Variants in RGS10 observed in about 807,000 individuals in gnomAD.
RGS10 encodes the protein regulator of G protein signaling 10.
RGS10 carries 11 observed loss-of-function variants against 23.5 expected under a neutral mutation model. The observed-to-expected ratio is 0.47, with a 90% CI of 0.29 to 0.77. The LOEUF (loss-of-function observed/expected upper bound fraction) is 0.77. Among genes scored for constraint, RGS10 ranks in the 30% least tolerant of loss-of-function variants. The probability of loss-of-function intolerance (pLI) is 0.08; values close to 1 mark genes in which losing one functional copy is unlikely to be tolerated. For missense variants in RGS10, 180 were observed against 226.3 expected, an observed-to-expected ratio of 0.80 and a Z score of 1.31; for synonymous variants, 77 against 83.2, an observed-to-expected ratio of 0.92 and a Z score of 0.41.
At chr10:119,502,237 G>A (rs969312732) in intron 4 of RGS10, among the ~76,000 whole-genome samples, 5 of 152,052 alleles carry the variant, frequency 3.3e-5, no homozygotes, top group East Asian at 3.8e-4. Context: ...GCCTCCCACC[G>A]ACGTGCTAAG....
At chr10:119,507,089 G>T (rs1361945385) in intron 4 of RGS10, among the ~76,000 whole-genome samples, 1 of 152,158 alleles carries the variant, frequency 6.6e-6, no homozygotes, top group African/African-American at 2.4e-5. Flanking sequence ...GATGGCTACG[G>T]TGTACACAGA....
intron 4 of RGS10, among the ~76,000 whole-genome samples, chr10:119,502,683 G>T (rs1843966067): frequency 6.6e-6 from 1 of 152,176 alleles, no homozygotes; most frequent in Non-Finnish European, 1.5e-5. Flanking sequence ...GAGATCCCGA[G>T]ATCCCAAGGC....
At chr10:119,507,861 A>T (rs1385524986) in intron 4 of RGS10, among the ~76,000 whole-genome samples, 1 of 151,374 alleles carries the variant, frequency 6.6e-6, no homozygotes, top group Non-Finnish European at 1.5e-5. Context: ...CTGGTTTTCC[A>T]TTTTTTTTGT....
rs535625613 is a variant in RGS10 at position 119,507,861 on chromosome 10, A to AT, written c.400-7603dup. 1.3e-4 allele frequency among the ~76,000 whole-genome samples: 20 copies of AT among 151,490 alleles called. 1 individual carries two copies. The South Asian group carries it at 3.6e-3, about 27-fold the overall frequency. The stretch of plus-strand genomic sequence containing the variant: ...CAGCCTCCCAAACTGCTGGTTTTCC[A>AT]TTTTTTTTGTAAGCACCAGAGGCTG... On this transcript the variant is annotated intron_variant, in intron 4 of 4. Coordinates refer to ENST00000369103, the MANE Select transcript of RGS10 (RefSeq NM_001005339.2).
At chr10:119,513,632 G>GT (rs985475068) in intron 4 of RGS10, among the ~76,000 whole-genome samples, 36 of 152,216 alleles carry the variant, frequency 2.4e-4, no homozygotes, top group African/African-American at 8.7e-4. Flanking sequence ...CTGAGCTGTT[G>GT]GGCAGGCGGG....
intron 1 of RGS10, among the ~76,000 whole-genome samples, chr10:119,539,264 T>C (rs751814533): frequency 1.3e-5 from 2 of 152,186 alleles, no homozygotes; most frequent in Non-Finnish European, 2.9e-5. Context: ...ACAAAGACAT[T>C]AAATTGCTGT....
intron 1 of RGS10, among the ~76,000 whole-genome samples, chr10:119,539,032 A>G (rs1005182507): frequency 6.6e-6 from 1 of 152,174 alleles, no homozygotes; most frequent in African/African-American, 2.4e-5. Flanking sequence ...ATCAGCCAAC[A>G]GAGATAAAAC....
At chr10:119,534,513 C>T (rs566869274) in intron 1 of RGS10, among the ~76,000 whole-genome samples, 1 of 150,166 alleles carries the variant, frequency 6.7e-6, no homozygotes, top group Admixed American at 6.7e-5. Flanking sequence ...ATTGCTTGAA[C>T]CCAGGAGGCG....
At chr10:119,525,970 A>T (rs1304779886) in intron 3 of RGS10, 62 bp downstream of exon 3, 9 of 866,242 alleles carry the variant, frequency 1.0e-5, no homozygotes, top group Non-Finnish European at 1.6e-5. Flanking sequence ...CAACTTCAGA[A>T]TCTATTGGAA....
chr10:119,506,465 A>G (rs1045690269), intron 4 of RGS10, among the ~76,000 whole-genome samples: 1 of 152,092 alleles, frequency 6.6e-6, no homozygotes, highest in Non-Finnish European at 1.5e-5. Context: ...GATCAGAGAG[A>G]CCTCGCTTGG....
intron 4 of RGS10, among the ~76,000 whole-genome samples, chr10:119,513,441 C>T (rs1217029222): frequency 4.6e-5 from 7 of 151,632 alleles, no homozygotes; most frequent in South Asian, 2.1e-4. Flanking sequence ...ACCAGGGCAA[C>T]AGAGGGACAT....
intron 3 of RGS10, among the ~76,000 whole-genome samples, chr10:119,523,114 A>G (rs1844237971): frequency 6.6e-6 from 1 of 151,882 alleles, no homozygotes; most frequent in Non-Finnish European, 1.5e-5. Context: ...TGACCTCCCA[A>G]AGTGTTATAA....
Position 119,517,075 on chromosome 10 carries a change from C to T in RGS10, c.256-1423G>A, listed in dbSNP as rs189697067. Among the ~76,000 whole-genome samples, 1 of 152,326 alleles carries T rather than the reference C, an allele frequency of 6.6e-6. No individual in the cohort carries two copies. The highest frequency in any genetic ancestry group is 2.4e-5 in the African/African-American group (1 of 41,582). On this transcript the variant is annotated intron_variant, in intron 3 of 4. Transcript: ENST00000369103. The surrounding 1 kb of genome is among the most constrained non-coding windows in gnomAD (Gnocchi z 5.0). Reference sequence around the variant, plus strand: ...CTGGGGCTCCGCATGTGCTGTGGGGCTTGGTTTGGGAAATCCCAAGCTCTG... The same window carrying T: ...CTGGGGCTCCGCATGTGCTGTGGGGTTTGGTTTGGGAAATCCCAAGCTCTG...
intron 1 of RGS10, among the ~76,000 whole-genome samples, chr10:119,540,122 A>G (rs1323622848): frequency 7.8e-6 from 1 of 128,706 alleles, no homozygotes; most frequent in Non-Finnish European, 1.7e-5. Flanking sequence ...TATTTTCCAT[A>G]ATGGGGAAAG....
At position 119,524,481 on chromosome 10, in the gene RGS10, G is replaced by C. The variant is rs1049255321; in HGVS notation, c.255+1551C>G. Among the ~76,000 whole-genome samples, 3 of 152,188 alleles carry C rather than the reference G, an allele frequency of 2.0e-5. No individual in the cohort carries two copies. Among genetic ancestry groups the C allele is most frequent in the African/African-American group, 7.2e-5 (3 of 41,442 alleles). ...GGAATGGACATCTGTTGGCTTGCTTGACTCTGAGCTAGGATTTTATGGTGA... is the reference window on the plus strand; with the variant it reads ...GGAATGGACATCTGTTGGCTTGCTTCACTCTGAGCTAGGATTTTATGGTGA... On this transcript the variant is annotated intron_variant, in intron 3 of 4. Coordinates refer to ENST00000369103, the MANE Select transcript of RGS10 (RefSeq NM_001005339.2). The surrounding 1 kb of genome is among the most constrained non-coding windows in gnomAD (Gnocchi z 5.2).
Position 119,524,917 on chromosome 10 carries a change from C to T in RGS10, c.255+1115G>A, listed in dbSNP as rs537131196. ...GCGCCCGGAAAGGCCTTTGAATAAACCCATGATATACATTTTCCAAGCAGT... is the reference window on the plus strand; with the variant it reads ...GCGCCCGGAAAGGCCTTTGAATAAATCCATGATATACATTTTCCAAGCAGT... On this transcript the variant is annotated intron_variant, in intron 3 of 4. Transcript: ENST00000369103. This position sits in a 1 kb window ranked among gnomAD's most constrained non-coding sequence, Gnocchi z 5.2. 3.3e-5 allele frequency among the ~76,000 whole-genome samples: 5 copies of T among 152,234 alleles called. No homozygotes were observed. In the South Asian group the frequency reaches 8.3e-4, roughly 25 times the overall value.
At chr10:119,537,301 G>T (rs1319484241) in intron 1 of RGS10, among the ~76,000 whole-genome samples, 1 of 150,488 alleles carries the variant, frequency 6.6e-6, no homozygotes, top group Non-Finnish European at 1.5e-5. Flanking sequence ...AGAATGGCTT[G>T]AACCCCGGAG....
chr10:119,516,489 G>A (rs1403568293), intron 3 of RGS10: 1 of 152,206 alleles, frequency 6.6e-6, no homozygotes, highest in African/African-American at 2.4e-5. Context: ...TGGCTCCAAG[G>A]CCTCTGAATT....
At chr10:119,505,322 C>CTTTTTTT in intron 4 of RGS10, among the ~76,000 whole-genome samples, 1 of 90,076 alleles carries the variant, frequency 1.1e-5, no homozygotes, top group Non-Finnish European at 2.1e-5. Flanking sequence ...CATTCTGCAT[C>CTTTTTTT]TTTTTTTTTT....
Sources: allele counts gnomAD v4.1 joint callset (sites outside exome capture counted in the v4.1 genomes callset), GRCh38; gene constraint gnomAD v4.1.1; non-coding constraint Gnocchi (gnomAD v3.1); transcripts MANE v1.5; gene names NCBI Gene and HGNC (gene_info 2026-07-23, HGNC 2026-07-21).